Variants in DCC observed in about 807,000 individuals in gnomAD.
DCC encodes netrin receptor DCC.
DCC carries 58 observed loss-of-function variants against 172.5 expected under a neutral mutation model. The observed-to-expected ratio is 0.34, with a 90% confidence interval of 0.27 to 0.42. DCC has a LOEUF of 0.42. Ranked by LOEUF, DCC falls within the 10% of genes least tolerant of loss-of-function variation. The pLI is 1.00. For synonymous variants in DCC, 709 were observed against 644.5 expected, an observed-to-expected ratio of 1.10 and a Z score of -1.52; for missense variants, 1,740 against 1,791.0, an observed-to-expected ratio of 0.97 and a Z score of 0.51.
intron 5 of DCC, among the ~76,000 whole-genome samples, chr18:52,975,695 C>A (rs1174092779): frequency 6.6e-6 from 1 of 152,096 alleles, no homozygotes; most frequent in Non-Finnish European, 1.5e-5. Flanking sequence ...TGATCTCATT[C>A]ATTTATGGCT....
intron 15 of DCC, among the ~76,000 whole-genome samples, chr18:53,364,184 C>A (rs2057977005): frequency 6.6e-6 from 1 of 152,076 alleles, no homozygotes; most frequent in Non-Finnish European, 1.5e-5. Flanking sequence ...TTTTTATTAT[C>A]TGGGAGATCA....
intron 2 of DCC, among the ~76,000 whole-genome samples, chr18:52,807,778 C>T (rs569779262): frequency 3.8e-4 from 58 of 152,224 alleles, no homozygotes; most frequent in East Asian, 1.2e-3. Flanking sequence ...ATCCTCTTTG[C>T]GAAATGCTGC....
chr18:53,014,951 C>A (rs1168433512), intron 5 of DCC, among the ~76,000 whole-genome samples: 2 of 151,892 alleles, frequency 1.3e-5, no homozygotes, highest in African/African-American at 2.4e-5. Context: ...CTTTATGTAT[C>A]TTATTTAATA....
intron 1 of DCC, among the ~76,000 whole-genome samples, chr18:52,689,323 T>C (rs2035892173): frequency 6.6e-6 from 1 of 152,134 alleles, no homozygotes; most frequent in East Asian, 1.9e-4. Flanking sequence ...AAGAAAAATG[T>C]CATGGAAGAC....
At chr18:52,421,358 A>G (rs1987241996) in intron 1 of DCC, among the ~76,000 whole-genome samples, 1 of 152,176 alleles carries the variant, frequency 6.6e-6, no homozygotes, top group Non-Finnish European at 1.5e-5. Flanking sequence ...AGGTCCGATG[A>G]CATTCCTAGT....
rs149323511 is a variant in DCC at position 52,490,531 on chromosome 18, A to G, written c.91+149653A>G. ...AAATAGCTGGTTTTAACTAATTGGG[A>G]GCAGAGCTGGGACTAGAAACCAGGC... On this transcript the variant is annotated intron_variant, in intron 1 of 28. Transcript: ENST00000442544. Among the ~76,000 whole-genome samples the G allele has an allele frequency of 9.9e-3, 1,511 of 152,214 alleles. 16 individuals are homozygous for G. The highest frequency in any genetic ancestry group is 0.018 in the Non-Finnish European group (1,213 of 67,988).
At chr18:53,116,098 T>C (rs922704198) in intron 7 of DCC, among the ~76,000 whole-genome samples, 5 of 151,638 alleles carry the variant, frequency 3.3e-5, no homozygotes, top group Non-Finnish European at 4.4e-5. Context: ...CTTAGTAAAA[T>C]GTCAAAATGG....
At chr18:52,372,923 C>T (rs780670264) in intron 1 of DCC, among the ~76,000 whole-genome samples, 1 of 152,100 alleles carries the variant, frequency 6.6e-6, no homozygotes, top group Non-Finnish European at 1.5e-5. Flanking sequence ...ATGGAAAATG[C>T]AGTGCATTTT....
chr18:52,587,618 T>C (rs2033705228), intron 1 of DCC, among the ~76,000 whole-genome samples: 1 of 152,178 alleles, frequency 6.6e-6, no homozygotes, highest in African/African-American at 2.4e-5. Context: ...TAATCACACA[T>C]CTGGCCATTT....
At chr18:52,837,057 C>A (rs953217499) in intron 2 of DCC, among the ~76,000 whole-genome samples, 1 of 152,178 alleles carries the variant, frequency 6.6e-6, no homozygotes, top group East Asian at 1.9e-4. Context: ...GATGCCATGG[C>A]CCAAGCTGTA....
intron 5 of DCC, among the ~76,000 whole-genome samples, chr18:52,938,765 C>T (rs1490379196): frequency 6.6e-6 from 1 of 152,078 alleles, no homozygotes; most frequent in African/African-American, 2.4e-5. Flanking sequence ...AGCCTTAAGC[C>T]CTCTTTTTCT....
At chr18:53,280,474 A>T (rs1279583648) in intron 12 of DCC, among the ~76,000 whole-genome samples, 2 of 152,074 alleles carry the variant, frequency 1.3e-5, no homozygotes, top group Admixed American at 6.6e-5. Context: ...TTGAACGTCT[A>T]CCTGATTTAA....
At chr18:52,532,937 C>A (rs1253090880) in intron 1 of DCC, among the ~76,000 whole-genome samples, 2 of 152,116 alleles carry the variant, frequency 1.3e-5, no homozygotes, top group Non-Finnish European at 2.9e-5. Context: ...TATTAGTAGT[C>A]AGACTCATTC....
Position 53,391,802 on chromosome 18 carries a change from C to T in DCC, c.2603C>T (p.Ser868Phe), listed in dbSNP as rs758714202. 7 of 1,613,962 alleles carry T rather than the reference C, an allele frequency of 4.3e-6. No individual in the cohort carries two copies. The Admixed American group carries it at 1.0e-4, about 23-fold the overall frequency. Reference sequence around the variant, plus strand: ...GTGAGGGTCAGCTGGGCAGACAACTCTGTCCCTAAGAACCAAAAGACGTCT... The same window carrying T: ...GTGAGGGTCAGCTGGGCAGACAACTTTGTCCCTAAGAACCAAAAGACGTCT... ...DAVRVSWADN[S>F]VPKNQKTSEV... is the part of the protein sequence containing the mutation. Residue 868 changes from serine to phenylalanine, a missense_variant, in exon 17 of 29, where the codon TCT (serine) becomes TTT (phenylalanine). Transcript: ENST00000442544.
chr18:52,925,245 A>C lies in DCC; in HGVS notation c.860A>C (p.Tyr287Ser). 1 of 1,612,352 alleles carries C rather than the reference A, an allele frequency of 6.2e-7. No homozygotes were observed. The highest frequency in any genetic ancestry group is 8.5e-7 in the Non-Finnish European group (1 of 1,178,674). The change falls in exon 5 of 29, where the codon TAT becomes TCT. Residue 287 changes from tyrosine (Y) to serine (S), a missense_variant. Around this residue, in one of 2 missense-constraint regions of DCC, gnomAD observed 1,732 missense variants for 1,767.4 expected, o/e 0.98. Transcript: ENST00000442544. ...CCTATGTCTTGCAGGTCTAAAAAGT[A>C]TTCTTTATTGGGTGGAAGCAACTTG... ...EEVIQLRSKK[Y>S]SLLGGSNLLI...
intron 12 of DCC, among the ~76,000 whole-genome samples, chr18:53,231,795 C>A (rs1358973112): frequency 6.6e-6 from 1 of 152,060 alleles, no homozygotes; most frequent in Non-Finnish European, 1.5e-5. Flanking sequence ...CAGTCTTCAG[C>A]CTCTTCTTAT....
intron 21 of DCC, among the ~76,000 whole-genome samples, chr18:53,422,495 C>T (rs1375980864): frequency 1.3e-5 from 2 of 152,162 alleles, no homozygotes; most frequent in African/African-American, 2.4e-5. Context: ...GAAATGCAGA[C>T]TCATGATCTG....
intron 1 of DCC, among the ~76,000 whole-genome samples, chr18:52,646,631 G>A (rs12327170): frequency 0.068 from 10,407 of 152,192 alleles, 464 homozygotes; most frequent in Middle Eastern, 0.12. Context: ...ACTTATGTTT[G>A]CTGGTGTATG....
At chr18:52,817,613 T>A in intron 2 of DCC, among the ~76,000 whole-genome samples, 1 of 152,164 alleles carries the variant, frequency 6.6e-6, no homozygotes, top group East Asian at 1.9e-4. Context: ...TATATTTTCA[T>A]CTTAATGAGT....
Sources: gnomAD v4.1 joint callset for allele counts (sites outside exome capture counted in the v4.1 genomes callset) on GRCh38, gnomAD v4.1.1 for gene constraint, gnomAD v4.1.1 regional missense constraint, MANE v1.5 for transcripts, NCBI Gene and HGNC (gene_info 2026-07-23, HGNC 2026-07-21) for gene names.